Variants in RPH3A observed in about 807,000 individuals in gnomAD.
RPH3A encodes the protein rabphilin-3A.
A neutral mutation model predicts 102.2 loss-of-function variants in RPH3A; 48 were observed. That is an observed-to-expected ratio of 0.47 (90% CI 0.37 to 0.60). The LOEUF is 0.60. Ranked by LOEUF, RPH3A falls within the 20% of genes least tolerant of loss-of-function variation. The pLI is 0.00. For missense variants in RPH3A, 781 were observed against 910.1 expected (o/e 0.86, Z 1.83); for synonymous variants, 310 against 324.3 (o/e 0.96, Z 0.47).
chr12:112,756,308 G>A (rs2040823077), intron 1 of RPH3A, among the ~76,000 whole-genome samples: 1 of 151,968 alleles, frequency 6.6e-6, no homozygotes, highest in Admixed American at 6.6e-5. Context: ...CGCCTCCCTG[G>A]TTCAAACAAT....
chr12:112,594,502 C>G (rs2039502628), intron 1 of RPH3A, among the ~76,000 whole-genome samples: 1 of 152,118 alleles, frequency 6.6e-6, no homozygotes, highest in South Asian at 2.1e-4. Context: ...ATCTAATAAT[C>G]CCTCCCTCCA....
intron 1 of RPH3A, among the ~76,000 whole-genome samples, chr12:112,660,139 A>G (rs932621742): frequency 5.3e-5 from 8 of 152,206 alleles, no homozygotes; most frequent in Non-Finnish European, 8.8e-5. Context: ...AAATATATGC[A>G]TATTATGTAT....
chr12:112,778,780 T>G (rs1255018117), intron 1 of RPH3A, among the ~76,000 whole-genome samples: 2 of 152,230 alleles, frequency 1.3e-5, no homozygotes, highest in Non-Finnish European at 2.9e-5. Flanking sequence ...ATGATATGCC[T>G]CTTTCCTAAG....
chr12:112,754,000 T>A (rs183485489), intron 1 of RPH3A, among the ~76,000 whole-genome samples: 2 of 152,112 alleles, frequency 1.3e-5, no homozygotes, highest in Admixed American at 1.3e-4. Flanking sequence ...TGAGTCAAGG[T>A]GTGTAGGTGT....
intron 1 of RPH3A, among the ~76,000 whole-genome samples, chr12:112,726,135 G>C (rs1008542224): frequency 2.0e-5 from 3 of 150,694 alleles, no homozygotes; most frequent in Admixed American, 6.6e-5. Flanking sequence ...GGGAGTGGGG[G>C]ATGGAGTCTT....
intron 1 of RPH3A, among the ~76,000 whole-genome samples, chr12:112,676,982 T>C (rs1328086260): frequency 6.6e-6 from 1 of 152,222 alleles, no homozygotes; most frequent in African/African-American, 2.4e-5. Context: ...GGATTTCTCC[T>C]GTGTGAGGTT....
intron 2 of RPH3A, among the ~76,000 whole-genome samples, chr12:112,809,767 C>T (rs2041536390): frequency 6.6e-6 from 1 of 152,164 alleles, no homozygotes; most frequent in Non-Finnish European, 1.5e-5. Context: ...TGTGACATGT[C>T]TGGAGTTAAC....
chr12:112,826,856 G>C (rs943625532), intron 2 of RPH3A, among the ~76,000 whole-genome samples: 7 of 152,120 alleles, frequency 4.6e-5, no homozygotes, highest in African/African-American at 1.4e-4. Context: ...CATTTGGATT[G>C]TTCCTGTGTT....
chr12:112,836,477 C>G lies in RPH3A; in HGVS notation c.72-14C>G, dbSNP rs763585908. On this transcript the variant is annotated splice_polypyrimidine_tract_variant and intron_variant, in intron 3 of 21. Transcript: ENST00000389385. ...TTCATTTTTTCTTTCTCTCCTTTCT[C>G]TGCCTTCCTTCAGTGATAAAGAACA... The G allele has an allele frequency of 7.5e-7, 1 of 1,331,832 alleles. No individual in the cohort carries two copies. The highest frequency in any genetic ancestry group is 1.3e-5 in the South Asian group (1 of 74,866). The allele number at this position is 1,331,832 out of a possible 1,614,324, so 82.5% of individuals were successfully genotyped here. A position where few individuals can be genotyped will look rare whatever the true frequency, so the allele number is the denominator to read the frequency against.
intron 1 of RPH3A, among the ~76,000 whole-genome samples, chr12:112,736,708 CTGT>C (rs1211417557): frequency 3.3e-5 from 5 of 152,146 alleles, no homozygotes; most frequent in South Asian, 2.1e-4. Context: ...ATGTCAGCTA[CTGT>C]TGTTGTTGTT....
chr12:112,857,875 C>T (rs914337477), intron 5 of RPH3A, among the ~76,000 whole-genome samples: 2 of 152,122 alleles, frequency 1.3e-5, no homozygotes, highest in Non-Finnish European at 2.9e-5. Flanking sequence ...TACAGAAAGA[C>T]CAGAAACCTG....
intron 1 of RPH3A, among the ~76,000 whole-genome samples, chr12:112,734,314 T>G (rs2040653708): frequency 1.3e-5 from 2 of 152,240 alleles, no homozygotes; most frequent in Non-Finnish European, 2.9e-5. Flanking sequence ...CCCTATAACC[T>G]AAGTGTGTAG....
At chr12:112,576,374 C>T (rs1210055239) in intron 1 of RPH3A, among the ~76,000 whole-genome samples, 5 of 152,154 alleles carry the variant, frequency 3.3e-5, no homozygotes, top group African/African-American at 9.7e-5. Flanking sequence ...TGCACCACCA[C>T]GCCTGGCTAA....
intron 1 of RPH3A, among the ~76,000 whole-genome samples, chr12:112,722,054 A>G (rs980496550): frequency 6.6e-6 from 1 of 152,234 alleles, no homozygotes; most frequent in Non-Finnish European, 1.5e-5. Flanking sequence ...ATAGAATGTC[A>G]GGGCTGAAAG....
intron 1 of RPH3A, among the ~76,000 whole-genome samples, chr12:112,775,411 G>A (rs938610168): frequency 6.6e-6 from 1 of 152,082 alleles, no homozygotes; most frequent in Non-Finnish European, 1.5e-5. Context: ...GGGAATCCAG[G>A]GATGACTACT....
At chr12:112,644,581 C>A (rs187446386) in intron 1 of RPH3A, among the ~76,000 whole-genome samples, 1 of 152,334 alleles carries the variant, frequency 6.6e-6, no homozygotes, top group East Asian at 1.9e-4. Flanking sequence ...TGGTACAACA[C>A]CATCCATCTC....
chr12:112,658,964 T>G (rs2040032080), intron 1 of RPH3A, among the ~76,000 whole-genome samples: 1 of 152,230 alleles, frequency 6.6e-6, no homozygotes, highest in South Asian at 2.1e-4. Context: ...CCAGGCACTG[T>G]GCTTAACACT....
At chr12:112,617,393 G>C (rs988625974) in intron 1 of RPH3A, among the ~76,000 whole-genome samples, 7 of 152,204 alleles carry the variant, frequency 4.6e-5, no homozygotes, top group Non-Finnish European at 7.3e-5. Context: ...AGTAGGATGA[G>C]CTTGGACAAA....
intron 13 of RPH3A, 54 bp downstream of exon 13, chr12:112,876,920 C>T (rs980864468): frequency 2.9e-6 from 4 of 1,397,612 alleles, no homozygotes; most frequent in Non-Finnish European, 3.9e-6. Flanking sequence ...AGGAGCCAAG[C>T]CCAGGAAAAC....
Sources: gnomAD v4.1 joint callset for allele counts (sites outside exome capture counted in the v4.1 genomes callset) on GRCh38, gnomAD v4.1.1 for gene constraint, MANE v1.5 for transcripts, NCBI Gene and HGNC (gene_info 2026-07-23, HGNC 2026-07-21) for gene names.